The following NUP214 variants were observed in gnomAD, a reference collection of about 807,000 sequenced individuals.
NUP214 encodes nuclear pore complex protein Nup214.
NUP214 carries 79 observed loss-of-function variants against 196.2 expected under a neutral mutation model. The observed-to-expected ratio is 0.40, with a 90% CI of 0.34 to 0.49. The LOEUF is 0.49. Among genes scored for constraint, NUP214 ranks in the 20% least tolerant of loss-of-function variants. The probability of loss-of-function intolerance (pLI) is 0.58; values close to 1 mark genes in which losing one functional copy is unlikely to be tolerated. For synonymous variants in NUP214, 1,020 were observed against 990.5 expected, an observed-to-expected ratio of 1.03 and a Z score of -0.56; for missense variants, 2,468 against 2,539.0, an observed-to-expected ratio of 0.97 and a Z score of 0.60.
At chr9:131,148,197 T>C (rs992217165) in intron 14 of NUP214, among the ~76,000 whole-genome samples, 7 of 149,784 alleles carry the variant, frequency 4.7e-5, no homozygotes, top group African/African-American at 1.7e-4. Flanking sequence ...TGATTTGATT[T>C]CCAACAGCAT....
chr9:131,175,271 G>A (rs1833081144), intron 22 of NUP214, among the ~76,000 whole-genome samples, 189 bp from the exon 23 acceptor site: 1 of 152,186 alleles, frequency 6.6e-6, no homozygotes, highest in Non-Finnish European at 1.5e-5. Context: ...CTTAGTAGAG[G>A]TGGGTAGGCA....
At position 131,228,293 on chromosome 9, in the gene NUP214, C is replaced by T. The variant is rs757392387; in HGVS notation, c.6036C>T (p.Phe2012=). 81 of 1,602,738 alleles carry T rather than the reference C, an allele frequency of 5.1e-5. No homozygotes were observed. In the South Asian group the frequency reaches 5.1e-4, roughly 10 times the overall value. The change falls in exon 33 of 36, where the codon TTC becomes TTT. Residue 2012 remains phenylalanine (F), a synonymous_variant. Transcript: ENST00000359428. ...TGGGCTCGACGGGAGGCAAAGTGTT[C>T]GGAGAGGGCACTGCAGCTGCCAGCG... is the stretch of plus-strand genomic sequence containing the variant. ...SPLGSTGGKV[F]GEGTAAASAG... is the part of the protein sequence containing the mutation.
At chr9:131,223,727 A>ATTTATTTATTT in intron 32 of NUP214, among the ~76,000 whole-genome samples, 4 of 15,660 alleles carry the variant, frequency 2.6e-4, no homozygotes, top group Admixed American at 2.7e-3. Context: ...TTATTTATTT[A>ATTTATTTATTT]TTTTTTTTTT....
At position 131,215,291 on chromosome 9, in the gene NUP214, G is replaced by C. The variant is rs1349043509; in HGVS notation, c.5672G>C (p.Gly1891Ala). The C allele has an allele frequency of 6.2e-7, 1 of 1,610,214 alleles. No individual in the cohort carries two copies. The highest frequency in any genetic ancestry group is 8.5e-7 in the Non-Finnish European group (1 of 1,178,266). The change falls in exon 31 of 36, where the codon GGA becomes GCA. Residue 1891 changes from glycine to alanine, a missense_variant. This residue lies in a region of NUP214 where 262 missense variants were observed against 296.5 expected (regional missense o/e 0.88). Transcript: ENST00000359428. ...GGAGGTTTCTTCAGTGGCCTTGGAG[G>C]AAAACCCAGTCAGGATGCAGCCAAC... ...RGGGFFSGLG[G>A]KPSQDAANKN...
At chr9:131,178,909 T>C (rs1032297577) in intron 24 of NUP214, among the ~76,000 whole-genome samples, 2 of 152,120 alleles carry the variant, frequency 1.3e-5, no homozygotes, top group Non-Finnish European at 2.9e-5. Flanking sequence ...TGCCATGCCA[T>C]GTTTGAGGGC....
chr9:131,175,713 C>T (rs1833096025), intron 23 of NUP214, 92 bp downstream of exon 23: 2 of 1,472,222 alleles, frequency 1.4e-6, no homozygotes, highest in Admixed American at 2.5e-5. Context: ...ACAGTGGGCG[C>T]TCTTTGGTGC....
chr9:131,210,638 C>A (rs7851123), intron 30 of NUP214, among the ~76,000 whole-genome samples: 6,539 of 149,088 alleles, frequency 0.044, 209 homozygotes, highest in African/African-American at 0.091. Context: ...AAAAAAAAAA[C>A]AAAAACGCAA....
intron 31 of NUP214, 123 bp downstream of exon 31, chr9:131,215,491 T>C: frequency 9.1e-7 from 1 of 1,098,186 alleles, no homozygotes; most frequent in Non-Finnish European, 1.2e-6. Context: ...TCATTTAAAA[T>C]ATCTTCCCCA....
intron 31 of NUP214, among the ~76,000 whole-genome samples, chr9:131,219,266 A>G (rs988661331): frequency 2.0e-5 from 3 of 152,270 alleles, no homozygotes; most frequent in Admixed American, 6.5e-5. Context: ...TGGCGTAGCC[A>G]GGATTTAGTC....
chr9:131,127,952 A>G (rs1030780155), intron 2 of NUP214, among the ~76,000 whole-genome samples: 4 of 152,192 alleles, frequency 2.6e-5, no homozygotes, highest in African/African-American at 9.7e-5. Flanking sequence ...CCATTATGCC[A>G]TGCTTTTATT....
rs757527456 is a variant in NUP214 at position 131,147,977 on chromosome 9, A to G, written c.2040+393A>G. On this transcript the variant is annotated intron_variant, in intron 14 of 35. Transcript: ENST00000359428. ...CAAGGCGGGCGGATCACCTGAGGCC[A>G]GTAGTTCGAGACTAGCCTGGTCGAC... 1.5e-4 allele frequency among the ~76,000 whole-genome samples: 23 copies of G among 152,362 alleles called. 1 individual carries two copies. Among genetic ancestry groups the G allele is most frequent in the South Asian group, 6.2e-4 (3 of 4,830 alleles).
At chr9:131,130,185 C>G (rs1481205871) in intron 4 of NUP214, among the ~76,000 whole-genome samples, 2 of 124,874 alleles carry the variant, frequency 1.6e-5, no homozygotes, top group Non-Finnish European at 3.2e-5. Context: ...GCTCTGTCGC[C>G]CAGGCTGGAG....
Position 131,233,797 on chromosome 9 carries a change from C to G in NUP214, c.*310C>G, listed in dbSNP as rs1834942484. The G allele has an allele frequency of 2.2e-6, 1 of 448,524 alleles. No individual in the cohort carries two copies. Among genetic ancestry groups the G allele is most frequent in the Non-Finnish European group, 4.2e-6 (1 of 239,678 alleles). 27.8% of individuals were successfully genotyped at this position (448,524 alleles called of 1,614,324 possible). A position where few individuals can be genotyped will look rare whatever the true frequency, so the allele number is the denominator to read the frequency against. On this transcript the variant is annotated 3_prime_UTR_variant, in exon 36 of 36. Coordinates refer to ENST00000359428, the MANE Select transcript of NUP214 (RefSeq NM_005085.4). ...AGCAGAGCCTCCATCAGCCAGAACA[C>G]TGTGTCTTCAAGGATGGCATCAGAA...
At position 131,150,773 on chromosome 9, in the gene NUP214, T is replaced by C. The variant is rs966598246; in HGVS notation, c.2277+8T>C. On this transcript the variant is annotated splice_region_variant and intron_variant, in intron 16 of 35. Coordinates refer to ENST00000359428, the MANE Select transcript of NUP214 (RefSeq NM_005085.4). Reference sequence around the variant, plus strand: ...ATTAAAGAGACCACAGAGGTTTGTGTTTATGGATACTTTTCCTGAGTTGAA... The same window carrying C: ...ATTAAAGAGACCACAGAGGTTTGTGCTTATGGATACTTTTCCTGAGTTGAA... The C allele has an allele frequency of 2.5e-6, 4 of 1,600,654 alleles. No individual in the cohort carries two copies. Among genetic ancestry groups the C allele is most frequent in the Middle Eastern group, 1.7e-4 (1 of 5,974 alleles).
At position 131,125,633 on chromosome 9, in the gene NUP214, G is replaced by T. The variant is rs766901597; in HGVS notation, c.-72G>T. ...CGCTGAGGGGAGGAAGTTTGCTGTC[G>T]AGCGGCCTGGGTTCCGTGGGCAAGG... On this transcript the variant is annotated 5_prime_UTR_variant, in exon 1 of 36. Transcript: ENST00000359428. The surrounding 1 kb of genome is among the most constrained non-coding windows in gnomAD (Gnocchi z 4.1). 1.7e-5 allele frequency: 26 copies of T among 1,537,852 alleles called. No individual in the cohort carries two copies. Among genetic ancestry groups the T allele is most frequent in the South Asian group, 3.6e-5 (3 of 82,934 alleles).
At chr9:131,131,045 C>T (rs553870342) in intron 5 of NUP214, among the ~76,000 whole-genome samples, 10 of 152,178 alleles carry the variant, frequency 6.6e-5, no homozygotes, top group Non-Finnish European at 4.4e-5. Flanking sequence ...GATAGCCTTC[C>T]ATACTTTTCT....
intron 21 of NUP214, among the ~76,000 whole-genome samples, chr9:131,173,152 G>T (rs1178559555): frequency 6.6e-6 from 1 of 152,142 alleles, no homozygotes; most frequent in Non-Finnish European, 1.5e-5. Context: ...CACCTGCCGG[G>T]TTCAAGCGAT....
intron 31 of NUP214, among the ~76,000 whole-genome samples, chr9:131,220,775 T>C (rs978791243): frequency 5.3e-5 from 8 of 152,216 alleles, no homozygotes; most frequent in African/African-American, 1.9e-4. Context: ...CTCACCCGGG[T>C]CTGACTGCAA....
intron 9 of NUP214, 151 bp from the exon 10 acceptor site, chr9:131,139,130 G>A: frequency 3.6e-6 from 3 of 833,758 alleles, no homozygotes; most frequent in Non-Finnish European, 4.9e-6. Flanking sequence ...AGATTTCAGA[G>A]CCTCCTAGTC....
Sources: allele counts gnomAD v4.1 joint callset (sites outside exome capture counted in the v4.1 genomes callset), GRCh38; gene constraint gnomAD v4.1.1; regional missense constraint gnomAD v4.1.1; non-coding constraint Gnocchi (gnomAD v3.1); transcripts MANE v1.5; gene names NCBI Gene and HGNC (gene_info 2026-07-23, HGNC 2026-07-21).